EYS: variants seen among roughly 807,000 people sequenced by gnomAD.
EYS encodes the protein protein eyes shut homolog.
A neutral mutation model predicts 282.1 loss-of-function variants in EYS; 250 were observed. That is an observed-to-expected ratio of 0.89 (90% CI 0.80 to 0.98). The LOEUF is 0.98. EYS is among the 50% of genes least tolerant of loss of function. The pLI, the probability that EYS is intolerant of heterozygous loss-of-function variation, is 0.00. For missense variants in EYS, 4,016 were observed against 3,709.0 expected, an observed-to-expected ratio of 1.08 and a Z score of -2.15; for synonymous variants, 1,355 against 1,282.9, an observed-to-expected ratio of 1.06 and a Z score of -1.20.
At chr6:65,552,687 T>G (rs535234490) in intron 2 of EYS, among the ~76,000 whole-genome samples, 1 of 152,264 alleles carries the variant, frequency 6.6e-6, no homozygotes, top group Non-Finnish European at 1.5e-5. Flanking sequence ...ATGGATAAGA[T>G]GTTTATGTGT....
chr6:65,157,830 A>C (rs552476377), intron 12 of EYS, among the ~76,000 whole-genome samples: 1 of 150,748 alleles, frequency 6.6e-6, no homozygotes, highest in South Asian at 2.1e-4. Context: ...GTTTTCTTTG[A>C]TATAAAAATA....
At chr6:64,681,036 G>A (rs747805290) in intron 22 of EYS, among the ~76,000 whole-genome samples, 44 of 152,090 alleles carry the variant, frequency 2.9e-4, no homozygotes, top group Non-Finnish European at 5.4e-4. Flanking sequence ...GGAGAGAAAT[G>A]GGGAAAAAAG....
intron 33 of EYS, among the ~76,000 whole-genome samples, chr6:64,064,350 CAG>C (rs935934221): frequency 9.9e-5 from 15 of 152,006 alleles, no homozygotes; most frequent in African/African-American, 3.1e-4. Context: ...CCAGGAGAAA[CAG>C]AAAAATGAGA....
chr6:63,826,725 C>T (rs1771470821), intron 36 of EYS, among the ~76,000 whole-genome samples: 1 of 151,076 alleles, frequency 6.6e-6, no homozygotes, highest in Admixed American at 6.6e-5. Context: ...GCCATCACTA[C>T]AAGAACTGCT....
At chr6:64,932,137 T>G (rs1768747582) in intron 15 of EYS, among the ~76,000 whole-genome samples, 1 of 152,096 alleles carries the variant, frequency 6.6e-6, no homozygotes, top group African/African-American at 2.4e-5. Flanking sequence ...TTCGTGGTTG[T>G]AAACAACCAT....
intron 22 of EYS, among the ~76,000 whole-genome samples, chr6:64,635,140 A>G (rs909056579): frequency 1.3e-5 from 2 of 152,172 alleles, no homozygotes; most frequent in African/African-American, 4.8e-5. Flanking sequence ...TTACTGGTGT[A>G]TAAGAATGCT....
At chr6:65,180,104 G>A (rs1320127627) in intron 12 of EYS, among the ~76,000 whole-genome samples, 1 of 152,090 alleles carries the variant, frequency 6.6e-6, no homozygotes, top group Non-Finnish European at 1.5e-5. Flanking sequence ...ATATCATACT[G>A]AATGGGCAAA....
intron 2 of EYS, among the ~76,000 whole-genome samples, chr6:65,629,203 A>C (rs1271550959): frequency 6.6e-6 from 1 of 152,192 alleles, no homozygotes; most frequent in Non-Finnish European, 1.5e-5. Flanking sequence ...AAGGTACCCA[A>C]AATTAAATCT....
At chr6:64,931,191 T>A (rs1199005088) in intron 15 of EYS, among the ~76,000 whole-genome samples, 1 of 152,126 alleles carries the variant, frequency 6.6e-6, no homozygotes, top group Non-Finnish European at 1.5e-5. Flanking sequence ...TATCTAATTT[T>A]TTTCTCAAGG....
At chr6:64,172,942 C>G (rs1258299997) in intron 31 of EYS, among the ~76,000 whole-genome samples, 3 of 152,082 alleles carry the variant, frequency 2.0e-5, no homozygotes, top group African/African-American at 7.2e-5. Context: ...GGAAAAATTG[C>G]CTTCCGCGAA....
chr6:65,367,221 A>G (rs778557140), intron 8 of EYS, among the ~76,000 whole-genome samples: 1 of 151,628 alleles, frequency 6.6e-6, no homozygotes, highest in Non-Finnish European at 1.5e-5. Flanking sequence ...TAAAGTACTG[A>G]GCTTTACCAT....
At chr6:64,588,420 A>T (rs1035167387) in intron 26 of EYS, among the ~76,000 whole-genome samples, 3 of 152,090 alleles carry the variant, frequency 2.0e-5, no homozygotes, top group Non-Finnish European at 4.4e-5. Flanking sequence ...CAGCTACTGA[A>T]CAGCTTTGGT....
chr6:64,047,968 C>T (rs866649353), intron 33 of EYS, among the ~76,000 whole-genome samples: 2 of 152,102 alleles, frequency 1.3e-5, no homozygotes, highest in African/African-American at 2.4e-5. Flanking sequence ...TGCAGTGGTG[C>T]GATCTTGGCT....
chr6:63,937,395 T>TTTTTG (rs1562104508), intron 35 of EYS, among the ~76,000 whole-genome samples: 1 of 109,612 alleles, frequency 9.1e-6, no homozygotes, highest in African/African-American at 3.8e-5. Context: ...TTTTTTTTTT[T>TTTTTG]TTTGAGACGG....
chr6:65,301,233 T>C (rs1429095380), intron 11 of EYS, among the ~76,000 whole-genome samples: 2 of 152,190 alleles, frequency 1.3e-5, no homozygotes, highest in Non-Finnish European at 2.9e-5. Flanking sequence ...TGGTAACTCA[T>C]GCCTGTAATC....
chr6:64,423,399 TTAGTATATTCAAATTG>T (rs1314093524), intron 28 of EYS, among the ~76,000 whole-genome samples: 3 of 152,218 alleles, frequency 2.0e-5, no homozygotes, highest in African/African-American at 7.2e-5. Context: ...AACTATAAGT[TTAGTATATTCAAATTG>T]AAATATACAC....
At chr6:64,878,627 C>G (rs944384365) in intron 19 of EYS, among the ~76,000 whole-genome samples, 9 of 152,012 alleles carry the variant, frequency 5.9e-5, no homozygotes, top group African/African-American at 2.2e-4. Context: ...TCCCTCCCCC[C>G]ACTCATAATT....
At chr6:65,469,921 T>C (rs943531510) in intron 5 of EYS, among the ~76,000 whole-genome samples, 3 of 152,150 alleles carry the variant, frequency 2.0e-5, no homozygotes, top group African/African-American at 7.2e-5. Flanking sequence ...TAAAATCATA[T>C]CAAAGAAAAA....
At chr6:65,392,386 G>C (rs375902526) in intron 7 of EYS, among the ~76,000 whole-genome samples, 209 of 151,852 alleles carry the variant, frequency 1.4e-3, no homozygotes, top group African/African-American at 2.1e-3. Flanking sequence ...GAACAGGCAA[G>C]CAACAAAATG....
Sources: allele counts gnomAD v4.1 joint callset (sites outside exome capture counted in the v4.1 genomes callset), GRCh38; gene constraint gnomAD v4.1.1; transcripts MANE v1.5; gene names NCBI Gene and HGNC (gene_info 2026-07-23, HGNC 2026-07-21).